PRKAG2: variants seen among roughly 807,000 people sequenced by gnomAD.
The protein encoded by PRKAG2 is protein kinase AMP-activated non-catalytic subunit gamma 2.
PRKAG2 carries 26 observed loss-of-function variants against 69.6 expected under a neutral mutation model. The ratio of observed to expected loss-of-function variants is 0.37; its 90% CI spans 0.27 to 0.52. The LOEUF is 0.52. Among genes scored for constraint, PRKAG2 ranks in the 20% least tolerant of loss-of-function variants. PRKAG2 has a pLI of 0.90. For missense variants in PRKAG2, 557 were observed against 740.0 expected (o/e 0.75, Z 2.87); for synonymous variants, 293 against 285.0 (o/e 1.03, Z -0.28).
chr7:151,797,112 A>G (rs1261397683), intron 1 of PRKAG2, among the ~76,000 whole-genome samples: 1 of 151,974 alleles, frequency 6.6e-6, no homozygotes, highest in East Asian at 1.9e-4. Context: ...CAGACTTCAG[A>G]GAGGAAAAAA....
At position 151,874,510 on chromosome 7, in the gene PRKAG2, TATGTATATGTATATG is replaced by T. The variant is rs1466729663; in HGVS notation, c.114+1982_114+1996del. On this transcript the variant is annotated intron_variant, in intron 1 of 15. Transcript: ENST00000287878. ...ATATGATGTATATGTATATGATGTATATGTATATGTATATGATGTATATGTATATGTATATGTATA... is the reference window on the plus strand; with the variant it reads ...ATATGATGTATATGTATATGATGTATATGTATATGTATATGTATATGTATA... Among the ~76,000 whole-genome samples, 22 of 111,102 alleles carry T rather than the reference TATGTATATGTATATG, an allele frequency of 2.0e-4. 4 individuals carry two copies. In the South Asian group the frequency reaches 2.2e-3, roughly 11 times the overall value. 72.9% of individuals were successfully genotyped at this position (111,102 alleles called of 152,430 possible).
At chr7:151,772,942 T>C (rs2076087760) in intron 3 of PRKAG2, among the ~76,000 whole-genome samples, 1 of 150,766 alleles carries the variant, frequency 6.6e-6, no homozygotes, top group Non-Finnish European at 1.5e-5. Context: ...ATTCTGCCAC[T>C]GTACTCTGGC....
chr7:151,608,825 G>GT (rs1261023454), intron 5 of PRKAG2, among the ~76,000 whole-genome samples: 2 of 118,628 alleles, frequency 1.7e-5, no homozygotes, highest in African/African-American at 5.5e-5. Context: ...ATTAGACATG[G>GT]ATTTTTTTTT....
At chr7:151,786,794 GA>G (rs2077033666) in intron 1 of PRKAG2, among the ~76,000 whole-genome samples, 1 of 152,224 alleles carries the variant, frequency 6.6e-6, no homozygotes, top group Non-Finnish European at 1.5e-5. Context: ...AAGGAGGAAA[GA>G]AGAAATGGCT....
chr7:151,785,114 G>A (rs2076936172), intron 2 of PRKAG2, among the ~76,000 whole-genome samples: 1 of 152,250 alleles, frequency 6.6e-6, no homozygotes, highest in Admixed American at 6.5e-5. Context: ...TCCCAAGTGT[G>A]TGCCTGGCTC....
intron 3 of PRKAG2, among the ~76,000 whole-genome samples, chr7:151,680,978 C>T (rs1396651079): frequency 1.3e-5 from 2 of 152,222 alleles, no homozygotes; most frequent in Non-Finnish European, 2.9e-5. Context: ...CTTGCTAGTT[C>T]TTTGGGTACA....
rs1824611988 is a variant in PRKAG2 at position 151,632,034 on chromosome 7, G to C, written c.754+35C>G. ...CGGTCCTCGGGCGGCCGGGCCGTGG[G>C]AGCGCCGGGCCGGCAGCGGGCGGGG... On this transcript the variant is annotated intron_variant, in intron 5 of 15. Coordinates refer to ENST00000287878, the MANE Select transcript of PRKAG2 (RefSeq NM_016203.4). This position sits in a 1 kb window ranked among gnomAD's most constrained non-coding sequence, Gnocchi z 4.2. 4 of 1,312,198 alleles carry C rather than the reference G, an allele frequency of 3.0e-6. No individual in the cohort carries two copies. Among genetic ancestry groups the C allele is most frequent in the Non-Finnish European group, 3.9e-6 (4 of 1,019,130 alleles). 81.3% of individuals were successfully genotyped at this position (1,312,198 alleles called of 1,614,324 possible). A position where few individuals can be genotyped will look rare whatever the true frequency, so the allele number is the denominator to read the frequency against.
At chr7:151,611,945 T>C (rs190460258) in intron 5 of PRKAG2, among the ~76,000 whole-genome samples, 1 of 152,232 alleles carries the variant, frequency 6.6e-6, no homozygotes, top group East Asian at 1.9e-4. Flanking sequence ...CTCGAGAGAC[T>C]GAGGCTTGAG....
chr7:151,578,966 T>C (rs887489534), intron 6 of PRKAG2, among the ~76,000 whole-genome samples: 5 of 152,166 alleles, frequency 3.3e-5, no homozygotes, highest in Admixed American at 2.0e-4. Context: ...CTAAACTGGT[T>C]GGAATAGAAT....
Position 151,719,067 on chromosome 7 carries a change from C to T in PRKAG2, c.467-43430G>A, listed in dbSNP as rs1796625045. 6.6e-6 allele frequency among the ~76,000 whole-genome samples: 1 copy of T among 152,148 alleles called. No homozygotes were observed. Among genetic ancestry groups the T allele is most frequent in the African/African-American group, 2.4e-5 (1 of 41,448 alleles). ...TTAAGCCCCTGATAAGTACAAGGCC[C>T]CGAACTCAGGGAAATGGAGGGGACT... On this transcript the variant is annotated intron_variant, in intron 3 of 15. Transcript: ENST00000287878. The surrounding 1 kb of genome is among the most constrained non-coding windows in gnomAD (Gnocchi z 5.2).
At chr7:151,677,688 G>A (rs1420989006) in intron 3 of PRKAG2, among the ~76,000 whole-genome samples, 4 of 152,156 alleles carry the variant, frequency 2.6e-5, no homozygotes, top group South Asian at 2.1e-4. Context: ...GCCTACATTC[G>A]TGCCAGCCAG....
chr7:151,828,882 G>T lies in PRKAG2; in HGVS notation c.115-42341C>A, dbSNP rs922801816. 2.6e-5 allele frequency among the ~76,000 whole-genome samples: 4 copies of T among 152,170 alleles called. No homozygotes were observed. The highest frequency in any genetic ancestry group is 1.3e-4 in the Admixed American group (2 of 15,278). ...GCTATGATCACACCAATGTACTCCAGCCTGGGCAATAAAGAGAGAACCTGT... is the reference window on the plus strand; with the variant it reads ...GCTATGATCACACCAATGTACTCCATCCTGGGCAATAAAGAGAGAACCTGT... On this transcript the variant is annotated intron_variant, in intron 1 of 15. Coordinates refer to ENST00000287878, the MANE Select transcript of PRKAG2 (RefSeq NM_016203.4). This position sits in a 1 kb window ranked among gnomAD's most constrained non-coding sequence, Gnocchi z 4.6.
At chr7:151,790,756 ATTTG>A (rs1270504207) in intron 1 of PRKAG2, 2 of 152,362 alleles carry the variant, frequency 1.3e-5, no homozygotes, top group African/African-American at 4.8e-5. Flanking sequence ...ACCCTCTAAC[ATTTG>A]TTCAGCACCA....
intron 1 of PRKAG2, among the ~76,000 whole-genome samples, chr7:151,872,587 CCT>C (rs1167083443): frequency 1.4e-4 from 21 of 152,314 alleles, no homozygotes; most frequent in African/African-American, 4.6e-4. Flanking sequence ...CTAGGGATCC[CCT>C]GAGGCATCCT....
intron 3 of PRKAG2, among the ~76,000 whole-genome samples, chr7:151,734,708 C>T (rs1799480492): frequency 6.6e-6 from 1 of 152,102 alleles, no homozygotes; most frequent in Admixed American, 6.5e-5. Context: ...TGCCACCATG[C>T]TCGGCTAACT....
chr7:151,736,083 G>T (rs768033830), intron 3 of PRKAG2: 3 of 1,524,852 alleles, frequency 2.0e-6, no homozygotes, highest in Admixed American at 2.0e-5. Flanking sequence ...AGCCAGAGGA[G>T]CATCAGCCCG....
intron 4 of PRKAG2, among the ~76,000 whole-genome samples, chr7:151,665,686 G>T (rs1043336929): frequency 3.3e-5 from 5 of 152,162 alleles, no homozygotes; most frequent in African/African-American, 1.2e-4. Context: ...AATCTGTTGT[G>T]AGTCACAGAC....
At chr7:151,754,519 G>A (rs1238887389) in intron 3 of PRKAG2, among the ~76,000 whole-genome samples, 1 of 152,214 alleles carries the variant, frequency 6.6e-6, no homozygotes, top group Non-Finnish European at 1.5e-5. Context: ...GCCAGCACTG[G>A]GGCTTAGGGG....
chr7:151,694,468 C>A (rs1045025667), intron 3 of PRKAG2, among the ~76,000 whole-genome samples: 5 of 152,154 alleles, frequency 3.3e-5, no homozygotes, highest in Non-Finnish European at 5.9e-5. Flanking sequence ...CCACCTGCAA[C>A]CCCTGGCAAC....
Sources: allele counts gnomAD v4.1 joint callset (sites outside exome capture counted in the v4.1 genomes callset), GRCh38; gene constraint gnomAD v4.1.1; non-coding constraint Gnocchi (gnomAD v3.1); transcripts MANE v1.5; gene names NCBI Gene and HGNC (gene_info 2026-07-23, HGNC 2026-07-21).